CAB39L: variants seen among roughly 807,000 people sequenced by gnomAD.
CAB39L encodes the protein calcium binding protein 39 like.
A neutral mutation model predicts 39.1 loss-of-function variants in CAB39L; 23 were observed. The ratio of observed to expected loss-of-function variants is 0.59; its 90% CI spans 0.42 to 0.83. The LOEUF is 0.83. Ranked by LOEUF, CAB39L falls within the 40% of genes least tolerant of loss-of-function variation. The pLI, the probability that CAB39L is intolerant of heterozygous loss-of-function variation, is 0.00. For missense variants in CAB39L, 366 were observed against 391.9 expected (o/e 0.93, Z 0.56); for synonymous variants, 126 against 137.2 (o/e 0.92, Z 0.57).
chr13:49,333,418 T>C (rs1324598360), intron 9 of CAB39L, among the ~76,000 whole-genome samples: 1 of 152,186 alleles, frequency 6.6e-6, no homozygotes, highest in Non-Finnish European at 1.5e-5. Flanking sequence ...TTTTCCAAGC[T>C]GTATACTTGG....
chr13:49,313,968 TG>T (rs1223038921), intron 10 of CAB39L, among the ~76,000 whole-genome samples: 1 of 152,150 alleles, frequency 6.6e-6, no homozygotes, highest in African/African-American at 2.4e-5. Context: ...AATACAAGAC[TG>T]CAGAGGCTCC....
intron 3 of CAB39L, among the ~76,000 whole-genome samples, chr13:49,416,140 C>T (rs1957081357): frequency 6.6e-6 from 1 of 152,214 alleles, no homozygotes; most frequent in Admixed American, 6.5e-5. Context: ...TGCTTTTACC[C>T]CAACTGTCTC....
At chr13:49,377,249 A>G in intron 4 of CAB39L, 118 bp from the exon 5 acceptor site, 1 of 738,116 alleles carries the variant, frequency 1.4e-6, no homozygotes, top group East Asian at 2.6e-5. Context: ...TTTATAATGA[A>G]TGGCACAGTT....
chr13:49,411,478 C>A (rs1956989540), intron 3 of CAB39L, among the ~76,000 whole-genome samples: 1 of 151,578 alleles, frequency 6.6e-6, no homozygotes, highest in Non-Finnish European at 1.5e-5. Flanking sequence ...AGATTAAGCA[C>A]TATTCAAAGT....
intron 3 of CAB39L, among the ~76,000 whole-genome samples, chr13:49,395,144 G>A (rs1317196426): frequency 4.6e-5 from 7 of 151,254 alleles, no homozygotes; most frequent in Non-Finnish European, 1.0e-4. Flanking sequence ...TAGTAGAAAT[G>A]TCTCTCTTAA....
Position 49,406,514 on chromosome 13 carries a change from T to A in CAB39L, c.-31-23573A>T, listed in dbSNP as rs138149306. 4.6e-5 allele frequency among the ~76,000 whole-genome samples: 7 copies of A among 151,918 alleles called. No individual in the cohort carries two copies. In the East Asian group the frequency reaches 1.4e-3, roughly 29 times the overall value. ...CTTAACACAAAAAATTGACGAATAG[T>A]TGAGATGATTGGATACCCTATTTAC... On this transcript the variant is annotated intron_variant, in intron 3 of 10. Coordinates refer to ENST00000409308, the MANE Select transcript of CAB39L (RefSeq NM_001079670.3).
chr13:49,404,780 T>C (rs1956838219), intron 3 of CAB39L, among the ~76,000 whole-genome samples: 1 of 152,160 alleles, frequency 6.6e-6, no homozygotes, highest in African/African-American at 2.4e-5. Flanking sequence ...AAAAATTTAA[T>C]TGACAAACTG....
At chr13:49,439,801 T>C (rs552296150) in intron 1 of CAB39L, among the ~76,000 whole-genome samples, 2 of 152,302 alleles carry the variant, frequency 1.3e-5, no homozygotes, top group East Asian at 1.9e-4. Flanking sequence ...TGATGTCTCA[T>C]TATGGTTTTG....
Position 49,310,892 on chromosome 13 carries a change from CCTTT to C in CAB39L, c.932_935del (p.Glu311GlyfsTer14), listed in dbSNP as rs765662331. On this transcript the variant is annotated frameshift_variant, in exon 11 of 11. Coordinates refer to ENST00000409308, the MANE Select transcript of CAB39L (RefSeq NM_001079670.3). LOFTEE classifies it high-confidence loss of function. ...CGTCAGCGAACTGCTCATCATCCGT[CCTTT>C]CTTTTTGGAAGCTGCTCAGAAACTC... 3.1e-6 allele frequency: 5 copies of C among 1,614,164 alleles called. No individual in the cohort carries two copies. The East Asian group carries it at 8.9e-5, about 29-fold the overall frequency.
intron 7 of CAB39L, among the ~76,000 whole-genome samples, chr13:49,344,624 C>A (rs1016110800): frequency 6.6e-6 from 1 of 150,452 alleles, no homozygotes; most frequent in African/African-American, 2.5e-5. Flanking sequence ...CGGGTTCAAG[C>A]GATTCTCCTG....
intron 9 of CAB39L, among the ~76,000 whole-genome samples, chr13:49,333,197 T>C (rs547310149): frequency 2.0e-4 from 31 of 152,202 alleles, no homozygotes; most frequent in Non-Finnish European, 3.7e-4. Flanking sequence ...CTGTTGGATG[T>C]TGGCTGGTCA....
chr13:49,377,215 C>T, intron 4 of CAB39L, 84 bp from the exon 5 acceptor site: 7 of 1,124,436 alleles, frequency 6.2e-6, no homozygotes, highest in Non-Finnish European at 9.0e-6. Flanking sequence ...CAAAAAACCA[C>T]TTCTTGGTCT....
intron 1 of CAB39L, among the ~76,000 whole-genome samples, chr13:49,442,787 C>CAAAAAAAAAAAAAAAAA (rs71078844): frequency 7.7e-5 from 8 of 103,684 alleles, no homozygotes; most frequent in African/African-American, 2.1e-4. Context: ...GACTCCATCT[C>CAAAAAAAAAAAAAAAAA]AAAAAAAAAA....
At chr13:49,415,781 C>T (rs903938659) in intron 3 of CAB39L, among the ~76,000 whole-genome samples, 7 of 152,032 alleles carry the variant, frequency 4.6e-5, no homozygotes, top group Non-Finnish European at 1.0e-4. Flanking sequence ...TCCTCAGCAC[C>T]TAAAATAATG....
chr13:49,357,485 A>G (rs549971732), intron 6 of CAB39L, among the ~76,000 whole-genome samples: 5 of 152,230 alleles, frequency 3.3e-5, no homozygotes, highest in Non-Finnish European at 7.3e-5. Context: ...AATCATTGCA[A>G]TAGAGAATTA....
chr13:49,423,422 G>A (rs1167147836), intron 3 of CAB39L, among the ~76,000 whole-genome samples: 5 of 152,112 alleles, frequency 3.3e-5, no homozygotes, highest in African/African-American at 9.7e-5. Context: ...TCTGAATTAA[G>A]AGTAAGAATT....
intron 3 of CAB39L, among the ~76,000 whole-genome samples, chr13:49,412,114 T>C (rs999324074): frequency 6.6e-6 from 1 of 152,274 alleles, no homozygotes; most frequent in South Asian, 2.1e-4. Flanking sequence ...TCAGCACAAA[T>C]TGGTGTTCCT....
At chr13:49,373,514 AGC>A (rs1955979172) in intron 5 of CAB39L, among the ~76,000 whole-genome samples, 2 of 152,244 alleles carry the variant, frequency 1.3e-5, no homozygotes, top group Non-Finnish European at 2.9e-5. Context: ...TATCCAAAGA[AGC>A]ACCAGGAGAG....
intron 3 of CAB39L, among the ~76,000 whole-genome samples, chr13:49,396,778 A>T (rs947543100): frequency 6.6e-6 from 1 of 152,192 alleles, no homozygotes; most frequent in Non-Finnish European, 1.5e-5. Context: ...AATAGGATTC[A>T]CAGATAGAAA....
Sources: allele counts gnomAD v4.1 joint callset (sites outside exome capture counted in the v4.1 genomes callset), GRCh38; gene constraint gnomAD v4.1.1; transcripts MANE v1.5; gene names NCBI Gene and HGNC (gene_info 2026-07-23, HGNC 2026-07-21).